The following ACTN2 variants were observed in gnomAD, a reference collection of about 807,000 sequenced individuals.
The protein encoded by ACTN2 is actinin alpha 2, also known as alpha-actinin-2.
In ACTN2, 39 loss-of-function variants were observed where a neutral mutation model predicts 113.8. That is an observed-to-expected ratio of 0.34 (90% CI 0.27 to 0.45). The LOEUF (loss-of-function observed/expected upper bound fraction) is 0.45. Ranked by LOEUF, ACTN2 falls within the 20% of genes least tolerant of loss-of-function variation. ACTN2 has a pLI of 1.00. For missense variants in ACTN2, 992 were observed against 1,177.9 expected, an observed-to-expected ratio of 0.84 and a Z score of 2.31; for synonymous variants, 429 against 444.1, an observed-to-expected ratio of 0.97 and a Z score of 0.43.
intron 4 of ACTN2, among the ~76,000 whole-genome samples, chr1:236,724,618 A>G (rs1371099943): frequency 6.6e-6 from 1 of 152,162 alleles, no homozygotes; most frequent in Non-Finnish European, 1.5e-5. Flanking sequence ...CCCTGAGAGG[A>G]GTCTCACGTC....
At chr1:236,701,116 A>C (rs569654492) in intron 1 of ACTN2, among the ~76,000 whole-genome samples, 2 of 152,154 alleles carry the variant, frequency 1.3e-5, no homozygotes, top group Non-Finnish European at 2.9e-5. Flanking sequence ...CTTTTGTCCC[A>C]GAGGAATTAT....
intron 8 of ACTN2, chr1:236,736,451 T>C: frequency 1.5e-6 from 1 of 676,162 alleles, no homozygotes. Context: ...GCTTCTCTTG[T>C]TCCATCAGAC....
intron 1 of ACTN2, among the ~76,000 whole-genome samples, chr1:236,692,469 G>A (rs1193928693): frequency 6.6e-6 from 1 of 152,156 alleles, no homozygotes; most frequent in Non-Finnish European, 1.5e-5. Context: ...TGGCAAATCC[G>A]GTGTCCATGT....
At chr1:236,736,744 C>T (rs1658888883) in intron 8 of ACTN2, 2 of 965,498 alleles carry the variant, frequency 2.1e-6, no homozygotes, top group Non-Finnish European at 3.1e-6. Context: ...GAGTCTCCAT[C>T]CCATCGTCAT....
intron 15 of ACTN2, 110 bp from the exon 16 acceptor site, chr1:236,753,837 T>G: frequency 4.5e-5 from 51 of 1,137,344 alleles, no homozygotes; most frequent in African/African-American, 4.7e-5. Context: ...CTCCCTTCGT[T>G]TCTCCTTCTC....
intron 4 of ACTN2, among the ~76,000 whole-genome samples, chr1:236,721,015 G>GGGTTTTTTTTTTTTTTTTT: frequency 2.0e-5 from 1 of 49,138 alleles, no homozygotes; most frequent in Non-Finnish European, 3.4e-5. Context: ...TCTGGTTTTT[G>GGGTTTTTTTTTTTTTTTTT]TTTTTTGTTT....
intron 1 of ACTN2, among the ~76,000 whole-genome samples, chr1:236,692,773 C>G (rs542076353): frequency 4.5e-5 from 5 of 111,936 alleles, no homozygotes; most frequent in Admixed American, 4.2e-4. Flanking sequence ...AGGTAAGAAA[C>G]TTAAGCCCAT....
intron 7 of ACTN2, chr1:236,734,448 C>T (rs1558238700): frequency 6.5e-7 from 1 of 1,535,434 alleles, no homozygotes; most frequent in Non-Finnish European, 8.7e-7. Context: ...GTATACACTG[C>T]CAGACCCGAT....
intron 12 of ACTN2, among the ~76,000 whole-genome samples, chr1:236,746,227 G>T (rs1467991295): frequency 6.6e-6 from 1 of 151,462 alleles, no homozygotes; most frequent in African/African-American, 2.4e-5. Context: ...TTAAGAAAAT[G>T]GATTTGGTAG....
intron 17 of ACTN2, among the ~76,000 whole-genome samples, chr1:236,757,274 C>G (rs1009352927): frequency 1.3e-5 from 2 of 152,112 alleles, no homozygotes; most frequent in African/African-American, 2.4e-5. Context: ...CCCGCTGCCA[C>G]TGTTAGAACC....
chr1:236,706,473 G>A (rs1193701484), intron 1 of ACTN2, among the ~76,000 whole-genome samples: 1 of 152,114 alleles, frequency 6.6e-6, no homozygotes, highest in Non-Finnish European at 1.5e-5. Flanking sequence ...AGTTGTTTGT[G>A]AGCTTTCCTA....
At chr1:236,746,122 G>C (rs568188481) in intron 12 of ACTN2, among the ~76,000 whole-genome samples, 30 of 133,850 alleles carry the variant, frequency 2.2e-4, no homozygotes, top group Admixed American at 2.2e-3. Context: ...GCCGAGATCA[G>C]GCCACTGCAC....
intron 5 of ACTN2, 73 bp from the exon 6 acceptor site, chr1:236,727,605 G>A: frequency 1.3e-6 from 2 of 1,517,552 alleles, no homozygotes; most frequent in Non-Finnish European, 1.8e-6. Context: ...GCCAACATCT[G>A]ACTGAGTGCA....
At chr1:236,722,837 C>T (rs1288083882) in intron 4 of ACTN2, among the ~76,000 whole-genome samples, 1 of 152,012 alleles carries the variant, frequency 6.6e-6, no homozygotes, top group East Asian at 1.9e-4. Context: ...GCCAAATGGC[C>T]GCATTTCCAC....
At chr1:236,702,462 C>A (rs889444326) in intron 1 of ACTN2, among the ~76,000 whole-genome samples, 1 of 152,180 alleles carries the variant, frequency 6.6e-6, no homozygotes, top group African/African-American at 2.4e-5. Context: ...AAAAAAGTCA[C>A]AACCTGGAGA....
chr1:236,729,183 G>A (rs1658646857), intron 6 of ACTN2, among the ~76,000 whole-genome samples: 1 of 151,982 alleles, frequency 6.6e-6, no homozygotes, highest in African/African-American at 2.4e-5. Context: ...AAATTAGCCG[G>A]GTGTGGTGGC....
chr1:236,696,105 G>A (rs963802062), intron 1 of ACTN2, among the ~76,000 whole-genome samples: 4 of 151,986 alleles, frequency 2.6e-5, no homozygotes, highest in South Asian at 2.1e-4. Context: ...TCAGGAGTTC[G>A]AGACCAGCCT....
intron 2 of ACTN2, among the ~76,000 whole-genome samples, chr1:236,718,427 T>C (rs1658285374): frequency 6.6e-6 from 1 of 152,210 alleles, no homozygotes; most frequent in Non-Finnish European, 1.5e-5. Context: ...AGAGAATGGA[T>C]CACCTTTGGA....
intron 19 of ACTN2, 49 bp downstream of exon 19, chr1:236,759,838 T>G: frequency 6.4e-7 from 1 of 1,559,354 alleles, no homozygotes; most frequent in East Asian, 2.2e-5. Context: ...TTATTGAATT[T>G]GGATTTCTGT....
Sources: allele counts gnomAD v4.1 joint callset (sites outside exome capture counted in the v4.1 genomes callset), GRCh38; gene constraint gnomAD v4.1.1; transcripts MANE v1.5; gene names NCBI Gene and HGNC (gene_info 2026-07-23, HGNC 2026-07-21).